SPIDR: variants seen among roughly 807,000 people sequenced by gnomAD.
The protein encoded by SPIDR is scaffold protein involved in DNA repair.
A neutral mutation model predicts 104.6 loss-of-function variants in SPIDR; 93 were observed. The observed-to-expected ratio is 0.89, with a 90% CI of 0.75 to 1.06. The LOEUF (loss-of-function observed/expected upper bound fraction) is 1.06. SPIDR is among the 50% of genes least tolerant of loss of function. SPIDR has a pLI of 0.00. For synonymous variants in SPIDR, 431 were observed against 416.9 expected, an observed-to-expected ratio of 1.03 and a Z score of -0.41; for missense variants, 1,154 against 1,111.2, an observed-to-expected ratio of 1.04 and a Z score of -0.55.
At chr8:47,404,230 C>T (rs2062369039) in intron 6 of SPIDR, among the ~76,000 whole-genome samples, 1 of 152,308 alleles carries the variant, frequency 6.6e-6, no homozygotes, top group East Asian at 1.9e-4. Flanking sequence ...AAATGTTAAA[C>T]CTAAATCTTA....
chr8:47,485,142 C>T (rs1053822747), intron 8 of SPIDR, among the ~76,000 whole-genome samples: 11 of 152,188 alleles, frequency 7.2e-5, no homozygotes, highest in Admixed American at 6.5e-5. Context: ...TCGGGTCACT[C>T]CCACCCTAAC....
intron 8 of SPIDR, among the ~76,000 whole-genome samples, chr8:47,535,786 G>A (rs2086804558): frequency 6.6e-6 from 1 of 151,736 alleles, no homozygotes; most frequent in African/African-American, 2.4e-5. Flanking sequence ...ATACTTAATG[G>A]TGAGAAACTA....
At chr8:47,302,418 A>G (rs1245718941) in intron 5 of SPIDR, among the ~76,000 whole-genome samples, 3 of 151,884 alleles carry the variant, frequency 2.0e-5, no homozygotes, top group Non-Finnish European at 4.4e-5. Flanking sequence ...GAGTAGTTTG[A>G]TCGTCTGAAG....
At chr8:47,459,647 G>C (rs1027721668) in intron 8 of SPIDR, among the ~76,000 whole-genome samples, 1 of 151,692 alleles carries the variant, frequency 6.6e-6, no homozygotes, top group Non-Finnish European at 1.5e-5. Context: ...TTTGATCTTG[G>C]TTATTTCCTT....
intron 7 of SPIDR, among the ~76,000 whole-genome samples, chr8:47,429,244 T>C (rs2066929945): frequency 6.6e-6 from 1 of 152,198 alleles, no homozygotes; most frequent in Admixed American, 6.5e-5. Flanking sequence ...GACCTAGAAA[T>C]AGAGGAAGGG....
intron 10 of SPIDR, among the ~76,000 whole-genome samples, chr8:47,624,549 G>A (rs1460725838): frequency 6.6e-6 from 1 of 152,088 alleles, no homozygotes; most frequent in Non-Finnish European, 1.5e-5. Flanking sequence ...AAATGATAAA[G>A]GGGATATCAC....
chr8:47,567,703 A>G (rs1041456953), intron 8 of SPIDR, among the ~76,000 whole-genome samples: 1 of 152,020 alleles, frequency 6.6e-6, no homozygotes, highest in African/African-American at 2.4e-5. Context: ...CTTTGCCATT[A>G]ACAGACCGTA....
At position 47,529,309 on chromosome 8, in the gene SPIDR, T is replaced by G. The variant is rs1266667199; in HGVS notation, c.1098-66502T>G. ...GACACGCACCTGTAATCCCAGCTAC[T>G]TGGGAGGCTGAAGCAGGAGAATCGT... On this transcript the variant is annotated intron_variant, in intron 8 of 19. Transcript: ENST00000297423. Among the ~76,000 whole-genome samples, 3 of 152,048 alleles carry G rather than the reference T, an allele frequency of 2.0e-5. No homozygotes were observed. The South Asian group carries it at 6.2e-4, about 32-fold the overall frequency.
At chr8:47,407,535 C>A (rs1356232563) in intron 6 of SPIDR, among the ~76,000 whole-genome samples, 1 of 152,084 alleles carries the variant, frequency 6.6e-6, no homozygotes, top group Non-Finnish European at 1.5e-5. Flanking sequence ...GTAAGCAGTG[C>A]TTGTTTTAGG....
At chr8:47,401,894 T>C (rs574350663) in intron 6 of SPIDR, among the ~76,000 whole-genome samples, 1 of 152,194 alleles carries the variant, frequency 6.6e-6, no homozygotes, top group South Asian at 2.1e-4. Flanking sequence ...GGGAGACTTG[T>C]ACACCCCACT....
At chr8:47,592,622 G>C (rs779640572) in intron 8 of SPIDR, 3 of 1,137,798 alleles carry the variant, frequency 2.6e-6, no homozygotes, top group Non-Finnish European at 3.9e-6. Flanking sequence ...ATCAGAACCC[G>C]AGTTCGGCCT....
chr8:47,463,861 C>G (rs2074341023), intron 8 of SPIDR, among the ~76,000 whole-genome samples: 1 of 152,170 alleles, frequency 6.6e-6, no homozygotes, highest in African/African-American at 2.4e-5. Flanking sequence ...ATTACTTCCT[C>G]AGCCTAACAT....
intron 10 of SPIDR, among the ~76,000 whole-genome samples, chr8:47,633,486 C>T (rs917377308): frequency 6.7e-6 from 1 of 148,532 alleles, no homozygotes; most frequent in Non-Finnish European, 1.5e-5. Flanking sequence ...CAGGCCATGC[C>T]ATCTGATGTG....
intron 8 of SPIDR, among the ~76,000 whole-genome samples, chr8:47,523,060 T>G (rs923499): frequency 0.51 from 77,965 of 151,826 alleles, 22,283 homozygotes; most frequent in East Asian, 0.73. Context: ...GAGTACAGTG[T>G]CACAATCTCA....
At chr8:47,454,550 G>A (rs936403538) in intron 8 of SPIDR, among the ~76,000 whole-genome samples, 48 of 151,896 alleles carry the variant, frequency 3.2e-4, no homozygotes, top group African/African-American at 1.1e-3. Flanking sequence ...TGAGTTAATG[G>A]GTTCAGCACA....
chr8:47,471,180 T>C (rs1586273912), intron 8 of SPIDR, among the ~76,000 whole-genome samples: 2 of 152,308 alleles, frequency 1.3e-5, no homozygotes, highest in East Asian at 3.9e-4. Context: ...AGTTGAACTC[T>C]ATCAAAATTT....
chr8:47,317,901 G>A (rs1353327300), intron 5 of SPIDR, among the ~76,000 whole-genome samples: 1 of 152,024 alleles, frequency 6.6e-6, no homozygotes. Flanking sequence ...CTGTTAGAAG[G>A]AAAACTAACA....
chr8:47,330,214 G>C (rs2048423513), intron 5 of SPIDR, among the ~76,000 whole-genome samples: 1 of 150,886 alleles, frequency 6.6e-6, no homozygotes, highest in Non-Finnish European at 1.5e-5. Context: ...TTTTTTTAAA[G>C]CATCTTTAGT....
intron 8 of SPIDR, among the ~76,000 whole-genome samples, chr8:47,506,046 A>G (rs774155113): frequency 3.9e-5 from 6 of 152,186 alleles, no homozygotes; most frequent in Admixed American, 1.3e-4. Context: ...AGATGTTTCT[A>G]TACTTTCTCA....
Sources: allele counts gnomAD v4.1 joint callset (sites outside exome capture counted in the v4.1 genomes callset), GRCh38; gene constraint gnomAD v4.1.1; transcripts MANE v1.5; gene names NCBI Gene and HGNC (gene_info 2026-07-23, HGNC 2026-07-21).